RFX4: variants seen among roughly 807,000 people sequenced by gnomAD.
RFX4 encodes the protein transcription factor RFX4.
Under a neutral mutation model 95.0 loss-of-function variants are expected in RFX4, and 10 were observed. The ratio of observed to expected loss-of-function variants is 0.11; its 90% CI spans 0.06 to 0.18. The LOEUF (loss-of-function observed/expected upper bound fraction) is 0.18. RFX4 is among the 10% of genes least tolerant of loss of function. The pLI is 1.00. For synonymous variants in RFX4, 321 were observed against 340.7 expected (o/e 0.94, Z 0.64); for missense variants, 640 against 922.0 (o/e 0.69, Z 3.96).
At chr12:106,618,936 T>C (rs1004507857) in intron 2 of RFX4, among the ~76,000 whole-genome samples, 1 of 152,170 alleles carries the variant, frequency 6.6e-6, no homozygotes, top group East Asian at 1.9e-4. Flanking sequence ...GATTACAATA[T>C]GCATTTTTGC....
intron 13 of RFX4, among the ~76,000 whole-genome samples, chr12:106,725,467 A>C (rs2042476483): frequency 6.6e-6 from 1 of 152,268 alleles, no homozygotes; most frequent in Non-Finnish European, 1.5e-5. Context: ...GTTAAAAATA[A>C]GTTCTAGGTA....
chr12:106,587,092 C>G (rs1268747016), intron 1 of RFX4, among the ~76,000 whole-genome samples: 2 of 152,218 alleles, frequency 1.3e-5, no homozygotes, highest in Non-Finnish European at 2.9e-5. Context: ...ACCAGGGTTC[C>G]GAGTCCCCGA....
intron 15 of RFX4, among the ~76,000 whole-genome samples, chr12:106,736,748 G>C (rs551126616): frequency 6.6e-6 from 1 of 152,258 alleles, no homozygotes; most frequent in African/African-American, 2.4e-5. Flanking sequence ...AATCTAGACT[G>C]ATCTGTTCCT....
intron 9 of RFX4, 50 bp downstream of exon 9, chr12:106,709,480 C>T (rs769710242): frequency 6.3e-6 from 9 of 1,419,452 alleles, no homozygotes; most frequent in Non-Finnish European, 7.8e-6. Flanking sequence ...CATTTTAGTG[C>T]CAAATATTTT....
intron 4 of RFX4, among the ~76,000 whole-genome samples, chr12:106,654,663 A>G (rs2040920601): frequency 6.6e-6 from 1 of 152,224 alleles, no homozygotes; most frequent in Admixed American, 6.5e-5. Flanking sequence ...TCAGCCTGGG[A>G]CAGGCAACCT....
chr12:106,725,096 A>C (rs1373412297), intron 13 of RFX4, among the ~76,000 whole-genome samples: 2 of 152,092 alleles, frequency 1.3e-5, no homozygotes, highest in African/African-American at 4.8e-5. Context: ...CTGTGTAATA[A>C]ATTACCTAGG....
chr12:106,643,179 G>T (rs2040669266), intron 3 of RFX4, among the ~76,000 whole-genome samples: 1 of 152,184 alleles, frequency 6.6e-6, no homozygotes, highest in Non-Finnish European at 1.5e-5. Flanking sequence ...TTCATGTTTT[G>T]CTGAGGATCA....
At chr12:106,584,132 C>T (rs897218010) in intron 1 of RFX4, among the ~76,000 whole-genome samples, 5 of 151,958 alleles carry the variant, frequency 3.3e-5, no homozygotes, top group Non-Finnish European at 7.4e-5. Context: ...TTTGGGGGTG[C>T]GGCGGTCCTT....
chr12:106,677,566 C>T (rs111475680), intron 4 of RFX4, among the ~76,000 whole-genome samples: 31 of 152,134 alleles, frequency 2.0e-4, no homozygotes, highest in African/African-American at 6.5e-4. Context: ...CCGCTGAGGC[C>T]GGGTGTGGTG....
chr12:106,632,159 G>C (rs921904094), intron 2 of RFX4, among the ~76,000 whole-genome samples: 2 of 152,210 alleles, frequency 1.3e-5, no homozygotes, highest in African/African-American at 4.8e-5. Flanking sequence ...GCAGAGAGGA[G>C]AGCAGAGATG....
In RFX4 at chr12:106,649,858, G is replaced by T. The variant is rs548767146; in HGVS notation, c.192-4370G>T. 2.0e-5 allele frequency among the ~76,000 whole-genome samples: 3 copies of T among 152,284 alleles called. No individual in the cohort carries two copies. The South Asian group carries it at 6.2e-4, about 32-fold the overall frequency. On this transcript the variant is annotated intron_variant, in intron 3 of 17. Coordinates refer to ENST00000392842, the MANE Select transcript of RFX4 (RefSeq NM_213594.3). ...TGCCCAGTTAGGAACCTGAGGGTTT[G>T]CTTGGTTACTCCTGTCCTCCTCACA... is the stretch of plus-strand genomic sequence containing the variant.
At chr12:106,718,620 AGAGCAAAGTGT>A (rs1203978056) in intron 11 of RFX4, among the ~76,000 whole-genome samples, 1 of 152,248 alleles carries the variant, frequency 6.6e-6, no homozygotes, top group Admixed American at 6.5e-5. Flanking sequence ...TAAGTAAAAT[AGAGCAAAGTGT>A]CCAGTCCTTT....
chr12:106,723,873 C>T (rs2042440912), intron 13 of RFX4, among the ~76,000 whole-genome samples: 2 of 152,252 alleles, frequency 1.3e-5, no homozygotes, highest in South Asian at 4.2e-4. Flanking sequence ...AGAGGACTTG[C>T]GTGTGGACTC....
At chr12:106,613,554 G>A (rs1041099915) in intron 2 of RFX4, among the ~76,000 whole-genome samples, 1 of 151,860 alleles carries the variant, frequency 6.6e-6, no homozygotes, top group African/African-American at 2.4e-5. Context: ...AGTTGAGATG[G>A]GGTTTCACCA....
In RFX4 at chr12:106,737,584, C is replaced by T. The variant is rs543313319; in HGVS notation, c.1633+4499C>T. Among the ~76,000 whole-genome samples, 3 of 152,094 alleles carry T rather than the reference C, an allele frequency of 2.0e-5. No homozygotes were observed. In the South Asian group the frequency reaches 6.2e-4, roughly 32 times the overall value. Reference sequence around the variant, plus strand: ...CAGAGACTTTTGATTAATTCCTTCCCCAAAGTTTCCTCTCTCTATGGAACT... The same window carrying T: ...CAGAGACTTTTGATTAATTCCTTCCTCAAAGTTTCCTCTCTCTATGGAACT... On this transcript the variant is annotated intron_variant, in intron 15 of 17. Transcript: ENST00000392842.
chr12:106,693,953 A>G (rs2041831478), intron 7 of RFX4, among the ~76,000 whole-genome samples: 1 of 152,200 alleles, frequency 6.6e-6, no homozygotes. Flanking sequence ...ACCAAAACCT[A>G]TGCAGTAAAT....
intron 15 of RFX4, among the ~76,000 whole-genome samples, chr12:106,738,390 T>G (rs1162327523): frequency 6.6e-6 from 1 of 152,222 alleles, no homozygotes; most frequent in Admixed American, 6.5e-5. Context: ...GTCTAGGATC[T>G]TCTCATAGTT....
chr12:106,591,398 G>A (rs1453306353), intron 1 of RFX4, among the ~76,000 whole-genome samples: 2 of 150,688 alleles, frequency 1.3e-5, no homozygotes, highest in African/African-American at 2.4e-5. Flanking sequence ...CTCCTGAGTA[G>A]CTGAGATTAC....
At chr12:106,679,699 C>T (rs2041467857) in intron 4 of RFX4, among the ~76,000 whole-genome samples, 1 of 152,152 alleles carries the variant, frequency 6.6e-6, no homozygotes, top group Non-Finnish European at 1.5e-5. Flanking sequence ...TTTTATGCTT[C>T]CCTTGTTTTC....
Sources: gnomAD v4.1 joint callset for allele counts (sites outside exome capture counted in the v4.1 genomes callset) on GRCh38, gnomAD v4.1.1 for gene constraint, MANE v1.5 for transcripts, NCBI Gene and HGNC (gene_info 2026-07-23, HGNC 2026-07-21) for gene names.